PHF14: variants seen among roughly 807,000 people sequenced by gnomAD.
PHF14 encodes the protein PHD finger protein 14.
In PHF14, 55 loss-of-function variants were observed where a neutral mutation model predicts 117.9. That is an observed-to-expected ratio of 0.47 (90% CI 0.38 to 0.58). The LOEUF is 0.58. Ranked by LOEUF, PHF14 falls within the 20% of genes least tolerant of loss-of-function variation. The pLI is 0.00. For missense variants in PHF14, 978 were observed against 1,122.2 expected, an observed-to-expected ratio of 0.87 and a Z score of 1.84; for synonymous variants, 409 against 368.6, an observed-to-expected ratio of 1.11 and a Z score of -1.26.
chr7:11,140,211 T>A (rs940840731), intron 17 of PHF14, among the ~76,000 whole-genome samples: 1 of 152,054 alleles, frequency 6.6e-6, no homozygotes, highest in Non-Finnish European at 1.5e-5. Flanking sequence ...CAGCCCTACA[T>A]AGCCCGTTAT....
intron 16 of PHF14, among the ~76,000 whole-genome samples, chr7:11,078,706 T>G (rs6971841): frequency 0.12 from 17,500 of 152,136 alleles, 1,199 homozygotes; most frequent in African/African-American, 0.2. Flanking sequence ...TTTTTAAAGT[T>G]TTGTTCTTAT....
intron 4 of PHF14, among the ~76,000 whole-genome samples, chr7:10,991,883 C>CT (rs1213760876): frequency 3.4e-5 from 5 of 147,158 alleles, no homozygotes; most frequent in African/African-American, 1.2e-4. Context: ...CAGGCATGAA[C>CT]CAGTGTGCCA....
At chr7:11,123,349 C>G (rs1226092169) in intron 17 of PHF14, among the ~76,000 whole-genome samples, 1 of 152,034 alleles carries the variant, frequency 6.6e-6, no homozygotes. Flanking sequence ...TTATAGTCTC[C>G]TTTTACTAAG....
intron 16 of PHF14, among the ~76,000 whole-genome samples, chr7:11,096,031 G>A (rs569885372): frequency 3.7e-4 from 56 of 152,166 alleles, no homozygotes; most frequent in African/African-American, 1.3e-3. Flanking sequence ...AATCCCAAGA[G>A]ATTTGTGTCT....
intron 2 of PHF14, 142 bp downstream of exon 2, chr7:10,975,087 A>G: frequency 1.5e-6 from 1 of 647,028 alleles, no homozygotes; most frequent in Non-Finnish European, 2.7e-6. Flanking sequence ...TTGATTTCCC[A>G]TTTTGCCTTT....
chr7:11,124,516 C>T (rs1181554237), intron 17 of PHF14, among the ~76,000 whole-genome samples: 1 of 152,026 alleles, frequency 6.6e-6, no homozygotes, highest in Admixed American at 6.6e-5. Context: ...TTGAGCACCA[C>T]TATGTGCCTG....
chr7:10,997,109 T>A lies in PHF14; in HGVS notation c.1045+6262T>A, dbSNP rs1276565925. 5.9e-5 allele frequency among the ~76,000 whole-genome samples: 9 copies of A among 152,352 alleles called. 1 individual carries two copies. The South Asian group carries it at 1.7e-3, about 28-fold the overall frequency. On this transcript the variant is annotated intron_variant, in intron 4 of 17. Coordinates refer to ENST00000634607, the MANE Select transcript of PHF14 (RefSeq NM_001007157.2). Reference sequence around the variant, plus strand: ...ACATCTTGGTCCTTCTATCCCTTTCTGTCTGTATTTAATGCATACGTGCTT... The same window carrying A: ...ACATCTTGGTCCTTCTATCCCTTTCAGTCTGTATTTAATGCATACGTGCTT...
chr7:11,038,335 GCAGGAGAATTGCTTGAACC>G (rs1784377662), intron 10 of PHF14, among the ~76,000 whole-genome samples: 1 of 151,564 alleles, frequency 6.6e-6, no homozygotes, highest in East Asian at 1.9e-4. Flanking sequence ...AGAGGCTGAG[GCAGGAGAATTGCTTGAACC>G]CAGGAGGTGG....
intron 13 of PHF14, 30 bp from the exon 14 acceptor site, chr7:11,051,582 G>C (rs201508531): frequency 6.3e-7 from 1 of 1,575,016 alleles, no homozygotes; most frequent in African/African-American, 1.4e-5. Flanking sequence ...AATAATAAAT[G>C]CATGACTTAA....
At chr7:11,022,318 T>G (rs1441992851) in intron 5 of PHF14, among the ~76,000 whole-genome samples, 2 of 152,150 alleles carry the variant, frequency 1.3e-5, no homozygotes, top group African/African-American at 2.4e-5. Flanking sequence ...TTCCCAGCAG[T>G]TTTAATCTGG....
chr7:11,093,724 A>G (rs80081872), intron 16 of PHF14, among the ~76,000 whole-genome samples: 6,005 of 152,256 alleles, frequency 0.039, 266 homozygotes, highest in African/African-American at 0.11. Flanking sequence ...TTCAGCCTCC[A>G]AAGAATCACA....
chr7:10,978,693 C>T (rs1781950383), intron 2 of PHF14, among the ~76,000 whole-genome samples: 2 of 152,150 alleles, frequency 1.3e-5, no homozygotes, highest in Non-Finnish European at 2.9e-5. Context: ...GCAACAACAA[C>T]CTTTTCCTCT....
At chr7:11,048,593 T>G (rs893685992) in intron 13 of PHF14, among the ~76,000 whole-genome samples, 1 of 152,118 alleles carries the variant, frequency 6.6e-6, no homozygotes, top group Non-Finnish European at 1.5e-5. Flanking sequence ...AAAATAATTA[T>G]TTGATTTCAT....
chr7:11,011,004 T>C (rs1234458236), intron 4 of PHF14, among the ~76,000 whole-genome samples: 1 of 152,192 alleles, frequency 6.6e-6, no homozygotes, highest in African/African-American at 2.4e-5. Flanking sequence ...TTGAATAGCA[T>C]AAGGATAACA....
intron 14 of PHF14, among the ~76,000 whole-genome samples, chr7:11,060,108 C>T (rs1041443913): frequency 6.6e-6 from 1 of 152,136 alleles, no homozygotes; most frequent in Non-Finnish European, 1.5e-5. Flanking sequence ...AACTTTTAAG[C>T]TCAAGCAGTC....
intron 7 of PHF14, among the ~76,000 whole-genome samples, chr7:11,030,400 T>C (rs1430185719): frequency 1.3e-5 from 2 of 152,138 alleles, no homozygotes; most frequent in East Asian, 1.9e-4. Context: ...CTTTCTTTTT[T>C]ACTATGGTAG....
chr7:11,062,771 C>G, intron 16 of PHF14: 2 of 985,148 alleles, frequency 2.0e-6, no homozygotes, highest in Non-Finnish European at 2.4e-6. Flanking sequence ...TTGATCAAAG[C>G]TCTGGTGAGA....
chr7:11,122,388 CAT>C lies in PHF14; in HGVS notation c.2772+10923_2772+10924del, dbSNP rs1389991941. On this transcript the variant is annotated intron_variant, in intron 17 of 17. Coordinates refer to ENST00000634607, the MANE Select transcript of PHF14 (RefSeq NM_001007157.2). The stretch of plus-strand genomic sequence containing the variant: ...ACACACACACACACACACACACATA[CAT>C]ACACACACATATATATATACACGTA... Among the ~76,000 whole-genome samples the C allele has an allele frequency of 3.8e-3, 424 of 112,266 alleles. 1 individual carries two copies. The highest frequency in any genetic ancestry group is 6.2e-3 in the Non-Finnish European group (334 of 53,698). 73.7% of individuals were successfully genotyped at this position (112,266 alleles called of 152,430 possible).
intron 17 of PHF14, among the ~76,000 whole-genome samples, chr7:11,160,233 G>C (rs914750086): frequency 7.2e-5 from 11 of 152,104 alleles, no homozygotes; most frequent in Middle Eastern, 3.2e-3. Flanking sequence ...CAAAGGACAT[G>C]ATTTCATTCT....
Sources: allele counts gnomAD v4.1 joint callset (sites outside exome capture counted in the v4.1 genomes callset), GRCh38; gene constraint gnomAD v4.1.1; transcripts MANE v1.5; gene names NCBI Gene and HGNC (gene_info 2026-07-23, HGNC 2026-07-21).